Variants in ABL1 observed in about 807,000 individuals in gnomAD.
ABL1 encodes the protein tyrosine-protein kinase ABL1.
In ABL1, 11 loss-of-function variants were observed where a neutral mutation model predicts 94.7. That is an observed-to-expected ratio of 0.12 (90% CI 0.07 to 0.19). ABL1 has a LOEUF of 0.19. Ranked by LOEUF, ABL1 falls within the 10% of genes least tolerant of loss-of-function variation. The pLI, the probability that ABL1 is intolerant of heterozygous loss-of-function variation, is 1.00. For synonymous variants in ABL1, 656 were observed against 622.4 expected, an observed-to-expected ratio of 1.05 and a Z score of -0.80; for missense variants, 1,082 against 1,489.4, an observed-to-expected ratio of 0.73 and a Z score of 4.50.
rs983165314 is a variant in ABL1, at chr9:130,835,757, C to T, written c.79+232C>T. ...TCTTCTCTTGTCTCTCTCTTTTTCTCTCTCTCTGTCTCTTTCTCTTTCTCG... is the reference window on the plus strand; with the variant it reads ...TCTTCTCTTGTCTCTCTCTTTTTCTTTCTCTCTGTCTCTTTCTCTTTCTCG... On this transcript the variant is annotated intron_variant, in intron 1 of 10. Transcript: ENST00000318560. This position sits in a 1 kb window ranked among gnomAD's most constrained non-coding sequence, Gnocchi z 4.6. Among the ~76,000 whole-genome samples the T allele has an allele frequency of 2.9e-4, 43 of 149,316 alleles. No individual in the cohort carries two copies. The highest frequency in any genetic ancestry group is 3.0e-4 in the Non-Finnish European group (20 of 66,228).
intron 1 of ABL1, among the ~76,000 whole-genome samples, chr9:130,772,342 T>C (rs949180992): frequency 9.9e-5 from 15 of 152,234 alleles, no homozygotes; most frequent in African/African-American, 3.1e-4. Context: ...ATTTACTGTT[T>C]GTCCACATGA....
chr9:130,809,379 C>A (rs1342080417), intron 1 of ABL1, among the ~76,000 whole-genome samples: 1 of 109,870 alleles, frequency 9.1e-6, no homozygotes, highest in East Asian at 2.4e-4. Flanking sequence ...AGTGAAGGTT[C>A]TTGAGAGAGA....
In ABL1 at chr9:130,884,223, G is replaced by T. The variant is rs772876615; in HGVS notation, c.1933G>T (p.Ala645Ser). ...AGAGGGCCGAGACATCAGCAACGGG[G>T]CACTGGCTTTCACCCCCTTGGACAC... ...EEEGRDISNG[A>S]LAFTPLDTAD... The change falls in exon 11 of 11, where the codon GCA (alanine) becomes TCA (serine). Residue 645 changes from alanine to serine, a missense_variant. Around this residue, in one of 7 missense-constraint regions of ABL1, gnomAD observed 780 missense variants for 835.8 expected, o/e 0.93. Coordinates refer to ENST00000318560, the MANE Select transcript of ABL1 (RefSeq NM_005157.6). This position sits in a 1 kb window ranked among gnomAD's most constrained non-coding sequence, Gnocchi z 5.6. The T allele has an allele frequency of 6.2e-7, 1 of 1,607,594 alleles. No individual in the cohort carries two copies. Among genetic ancestry groups the T allele is most frequent in the Non-Finnish European group, 8.5e-7 (1 of 1,177,692 alleles).
At chr9:130,799,237 A>G (rs1830024026) in intron 1 of ABL1, among the ~76,000 whole-genome samples, 1 of 152,184 alleles carries the variant, frequency 6.6e-6, no homozygotes, top group Non-Finnish European at 1.5e-5. Context: ...GATGCTCCAT[A>G]GTGAGATTTA....
chr9:130,806,344 T>C (rs78356956), intron 1 of ABL1, among the ~76,000 whole-genome samples: 3,882 of 152,294 alleles, frequency 0.025, 87 homozygotes, highest in South Asian at 0.066. Context: ...AGCTGTTGCC[T>C]TTATGGTAAG....
intron 1 of ABL1, among the ~76,000 whole-genome samples, chr9:130,724,503 T>C (rs1320681154): frequency 1.3e-5 from 2 of 151,862 alleles, no homozygotes; most frequent in African/African-American, 4.8e-5. Flanking sequence ...GAACATTTAT[T>C]GTGTGGCTAA....
chr9:130,883,962 G>A lies in ABL1; in HGVS notation c.1679-7G>A, dbSNP rs1047772799. 55 of 1,602,390 alleles carry A rather than the reference G, an allele frequency of 3.4e-5. No individual in the cohort carries two copies. Among genetic ancestry groups the A allele is most frequent in the Non-Finnish European group, 4.3e-5 (50 of 1,175,554 alleles). On this transcript the variant is annotated splice_polypyrimidine_tract_variant and splice_region_variant and intron_variant, in intron 10 of 10. Coordinates refer to ENST00000318560, the MANE Select transcript of ABL1 (RefSeq NM_005157.6). ...TGGAGTTGTCAGCTCTTCCCCTTGC[G>A]TTTCAGATCCTCTGGACCATGAGCC... is the stretch of plus-strand genomic sequence containing the variant.
chr9:130,800,845 G>C lies in ABL1; in HGVS notation c.137-53219G>C, dbSNP rs553082922. On this transcript the variant is annotated intron_variant, in intron 1 of 10. Coordinates refer to the ABL1 transcript ENST00000372348. ...GAGGCTATTATAGTACAGCTGCTAT[G>C]AACATTTGTGTATTCACCATTGTGT... is the stretch of plus-strand genomic sequence containing the variant. Among the ~76,000 whole-genome samples, 5 of 151,984 alleles carry C rather than the reference G, an allele frequency of 3.3e-5. 1 individual carries two copies. The East Asian group carries it at 9.7e-4, about 29-fold the overall frequency.
In ABL1 at chr9:130,872,767, G is replaced by A; in HGVS notation, c.908-93G>A. 7.3e-7 allele frequency: 1 copy of A among 1,360,760 alleles called. No homozygotes were observed. The highest frequency in any genetic ancestry group is 1.0e-6 in the Non-Finnish European group (1 of 987,710). 84.3% of individuals were successfully genotyped at this position (1,360,760 alleles called of 1,614,324 possible). A position where few individuals can be genotyped will look rare whatever the true frequency, so the allele number is the denominator to read the frequency against. The stretch of plus-strand genomic sequence containing the variant: ...GTTGGGCCCAGGACTGAGGAGCAGA[G>A]TCAGAATCCTTCAGAAGGCTTTTTC... On this transcript the variant is annotated intron_variant, in intron 5 of 10. Transcript: ENST00000318560. This position sits in a 1 kb window ranked among gnomAD's most constrained non-coding sequence, Gnocchi z 5.0.
At chr9:130,769,364 C>T (rs1377836717) in intron 1 of ABL1, among the ~76,000 whole-genome samples, 8 of 86,462 alleles carry the variant, frequency 9.3e-5, no homozygotes, top group South Asian at 4.1e-4. Context: ...GTTGGAGTTT[C>T]GCTCTTGTCC....
rs1270550714 is a variant in ABL1 at position 130,862,316 on chromosome 9, C to T, written c.550-447C>T. On this transcript the variant is annotated intron_variant, in intron 3 of 10. Coordinates refer to ENST00000318560, the MANE Select transcript of ABL1 (RefSeq NM_005157.6). This position sits in a 1 kb window ranked among gnomAD's most constrained non-coding sequence, Gnocchi z 5.5. The stretch of plus-strand genomic sequence containing the variant: ...TTGCATGCTCTTAGGTGGAGACAGA[C>T]AGTAATTAAGCAGATAAACAGGAAA... Among the ~76,000 whole-genome samples the T allele has an allele frequency of 1.3e-5, 2 of 152,142 alleles. No individual in the cohort carries two copies. The highest frequency in any genetic ancestry group is 1.9e-4 in the East Asian group (1 of 5,194).
chr9:130,735,961 A>ATATATAT (rs573602038), intron 1 of ABL1, among the ~76,000 whole-genome samples: 123 of 94,846 alleles, frequency 1.3e-3, no homozygotes, highest in African/African-American at 6.5e-3. Flanking sequence ...ATATATATAT[A>ATATATAT]TTTTTTTTTT....
chr9:130,732,209 A>C (rs1831675218), intron 1 of ABL1, among the ~76,000 whole-genome samples: 1 of 152,154 alleles, frequency 6.6e-6, no homozygotes, highest in African/African-American at 2.4e-5. Flanking sequence ...CCTGTTCTGT[A>C]TCAGGTACTG....
chr9:130,863,136 C>T lies in ABL1; in HGVS notation c.822+101C>T. The T allele has an allele frequency of 7.3e-7, 1 of 1,363,302 alleles. No individual in the cohort carries two copies. The highest frequency in any genetic ancestry group is 9.8e-7 in the Non-Finnish European group (1 of 1,019,524). The allele number at this position is 1,363,302 out of a possible 1,614,324, so 84.5% of individuals were successfully genotyped here. A position where few individuals can be genotyped will look rare whatever the true frequency, so the allele number is the denominator to read the frequency against. ...GGAAGTCTACCTCCTGCCTGCTGTC[C>T]GAGGGCTTCATTGGCGCCACGGAAT... On this transcript the variant is annotated intron_variant, in intron 4 of 10. Coordinates refer to ENST00000318560, the MANE Select transcript of ABL1 (RefSeq NM_005157.6). This position sits in a 1 kb window ranked among gnomAD's most constrained non-coding sequence, Gnocchi z 4.3.
intron 10 of ABL1, among the ~76,000 whole-genome samples, chr9:130,883,035 C>CTTGGA (rs1831490573): frequency 6.6e-6 from 1 of 152,118 alleles, no homozygotes; most frequent in Non-Finnish European, 1.5e-5. Flanking sequence ...AGCGTCTGGG[C>CTTGGA]TCAGACAGGC....
intron 1 of ABL1, chr9:130,724,811 G>A: frequency 2.1e-6 from 1 of 486,546 alleles, no homozygotes; most frequent in Non-Finnish European, 4.1e-6. Flanking sequence ...TGCAACAGCT[G>A]CCCTTTTGGG....
In ABL1 at chr9:130,885,363, G is replaced by A. The variant is rs764616226; in HGVS notation, c.3073G>A (p.Gly1025Ser). The A allele has an allele frequency of 1.9e-5, 31 of 1,613,482 alleles. No individual in the cohort carries two copies. Among genetic ancestry groups the A allele is most frequent in the East Asian group, 6.7e-5 (3 of 44,854 alleles). ...CCAGCCTCCAGAGCGGATCGCCAGCGGCGCCATCACCAAGGGCGTGGTCCT... is the reference window on the plus strand; with the variant it reads ...CCAGCCTCCAGAGCGGATCGCCAGCAGCGCCATCACCAAGGGCGTGGTCCT... ...TRQPPERIASGAITKGVVLDS... is the reference protein window; with the variant it reads ...TRQPPERIASSAITKGVVLDS... The change falls in exon 11 of 11, where the codon GGC becomes AGC. Residue 1025 changes from glycine (G) to serine (S), a missense_variant. Gly to Ser is a moderately conservative substitution (Grantham distance 56). This residue lies in a region of ABL1 where 780 missense variants were observed against 835.8 expected (regional missense o/e 0.93). Transcript: ENST00000318560.
In ABL1 at chr9:130,863,093, T is replaced by C; in HGVS notation, c.822+58T>C. Reference sequence around the variant, plus strand: ...CGTGGGGCAAGGCGTCTGCTGGCATTAGGCGATGCATCTGCCTGGAAGTCT... The same window carrying C: ...CGTGGGGCAAGGCGTCTGCTGGCATCAGGCGATGCATCTGCCTGGAAGTCT... On this transcript the variant is annotated intron_variant, in intron 4 of 10. Coordinates refer to ENST00000318560, the MANE Select transcript of ABL1 (RefSeq NM_005157.6). This position sits in a 1 kb window ranked among gnomAD's most constrained non-coding sequence, Gnocchi z 4.3. 3 of 1,509,786 alleles carry C rather than the reference T, an allele frequency of 2.0e-6. No individual in the cohort carries two copies. Among genetic ancestry groups the C allele is most frequent in the South Asian group, 2.6e-5 (2 of 75,944 alleles). The allele number at this position is 1,509,786 out of a possible 1,614,324, so 93.5% of individuals were successfully genotyped here.
chr9:130,770,275 G>A (rs1832237081), intron 1 of ABL1, among the ~76,000 whole-genome samples: 1 of 152,134 alleles, frequency 6.6e-6, no homozygotes, highest in African/African-American at 2.4e-5. Context: ...GAGAGGCCAA[G>A]GCGGGAGGAT....
Sources: allele counts gnomAD v4.1 joint callset (sites outside exome capture counted in the v4.1 genomes callset), GRCh38; gene constraint gnomAD v4.1.1; regional missense constraint gnomAD v4.1.1; non-coding constraint Gnocchi (gnomAD v3.1); transcripts MANE v1.5; gene names NCBI Gene and HGNC (gene_info 2026-07-23, HGNC 2026-07-21).